The following ERC1 variants were observed in gnomAD, a reference collection of about 807,000 sequenced individuals.
The protein encoded by ERC1 is RAB6 interacting protein 2.
A neutral mutation model predicts 132.0 loss-of-function variants in ERC1; 56 were observed. That is an observed-to-expected ratio of 0.42 (90% CI 0.34 to 0.53). The LOEUF (loss-of-function observed/expected upper bound fraction) is 0.53. Among genes scored for constraint, ERC1 ranks in the 20% least tolerant of loss-of-function variants. The pLI is 0.03. For missense variants in ERC1, 1,202 were observed against 1,349.9 expected, an observed-to-expected ratio of 0.89 and a Z score of 1.72; for synonymous variants, 478 against 476.1, an observed-to-expected ratio of 1.00 and a Z score of -0.05.
At chr12:1,230,998 T>C (rs61911974) in intron 12 of ERC1, among the ~76,000 whole-genome samples, 29,836 of 152,130 alleles carry the variant, frequency 0.2, 3,443 homozygotes, top group Non-Finnish European at 0.27. Flanking sequence ...TGTTGGATAC[T>C]TAAAAAAGTC....
At chr12:1,153,256 T>C (rs1950999826) in intron 8 of ERC1, among the ~76,000 whole-genome samples, 1 of 152,232 alleles carries the variant, frequency 6.6e-6, no homozygotes, top group Non-Finnish European at 1.5e-5. Flanking sequence ...CAAATCAGAT[T>C]AATCCCAAGA....
intron 2 of ERC1, among the ~76,000 whole-genome samples, chr12:1,057,580 G>A (rs199529507): frequency 4.2e-5 from 6 of 143,250 alleles, no homozygotes; most frequent in African/African-American, 7.7e-5. Context: ...TGAAGGATGC[G>A]CATGGTTTTT....
intron 8 of ERC1, among the ~76,000 whole-genome samples, chr12:1,154,213 GTA>G (rs1951103924): frequency 6.3e-5 from 9 of 142,900 alleles, no homozygotes; most frequent in African/African-American, 1.3e-4. Flanking sequence ...GTGTGTGTGT[GTA>G]TGTATATGTA....
intron 14 of ERC1, among the ~76,000 whole-genome samples, chr12:1,279,672 T>TAAA (rs1189775825): frequency 1.0e-4 from 15 of 148,420 alleles, no homozygotes; most frequent in African/African-American, 3.2e-4. Context: ...TTTTTTTTTT[T>TAAA]AATTTTATTT....
intron 17 of ERC1, among the ~76,000 whole-genome samples, chr12:1,440,449 G>GC (rs1276120000): frequency 1.3e-5 from 2 of 148,374 alleles, no homozygotes; most frequent in Non-Finnish European, 1.5e-5. Flanking sequence ...CTCGTGATCT[G>GC]CCCTCCTTGG....
intron 18 of ERC1, among the ~76,000 whole-genome samples, chr12:1,457,065 A>G (rs1306389885): frequency 6.6e-6 from 1 of 152,182 alleles, no homozygotes; most frequent in East Asian, 1.9e-4. Flanking sequence ...ATGTTTAGAT[A>G]TGTTTGGATC....
chr12:1,174,918 C>T (rs914311438), intron 8 of ERC1, among the ~76,000 whole-genome samples: 4 of 152,118 alleles, frequency 2.6e-5, no homozygotes, highest in Admixed American at 1.3e-4. Flanking sequence ...AGGTATACCT[C>T]GGAGATATTG....
chr12:1,113,328 A>G (rs1946095145), intron 6 of ERC1, among the ~76,000 whole-genome samples: 1 of 152,226 alleles, frequency 6.6e-6, no homozygotes, highest in Non-Finnish European at 1.5e-5. Flanking sequence ...AGTTAGACAT[A>G]TTATCAACTC....
At chr12:1,259,434 A>G (rs1194948603) in intron 13 of ERC1, among the ~76,000 whole-genome samples, 1 of 150,350 alleles carries the variant, frequency 6.7e-6, no homozygotes, top group African/African-American at 2.5e-5. Flanking sequence ...GGCACGTAGT[A>G]TATTATGATT....
chr12:1,288,421 A>G (rs747182898), intron 14 of ERC1, among the ~76,000 whole-genome samples: 9 of 152,190 alleles, frequency 5.9e-5, no homozygotes, highest in South Asian at 4.1e-4. Flanking sequence ...GGCCGTAACA[A>G]TATATTCTTA....
chr12:1,419,333 C>G (rs2092328621), intron 17 of ERC1, among the ~76,000 whole-genome samples: 1 of 151,940 alleles, frequency 6.6e-6, no homozygotes. Flanking sequence ...TAGTATACTA[C>G]AAATGTACTT....
At chr12:1,199,313 A>G (rs1167173678) in intron 12 of ERC1, among the ~76,000 whole-genome samples, 1 of 152,278 alleles carries the variant, frequency 6.6e-6, no homozygotes, top group Non-Finnish European at 1.5e-5. Flanking sequence ...TTGGGTGGGG[A>G]CATAGAGCCA....
intron 15 of ERC1, among the ~76,000 whole-genome samples, chr12:1,338,012 T>C (rs1324178224): frequency 3.3e-5 from 5 of 152,224 alleles, no homozygotes; most frequent in Non-Finnish European, 7.3e-5. Flanking sequence ...TGATTATGTC[T>C]TGAGGATGTT....
At chr12:1,127,215 T>C (rs557972099) in intron 7 of ERC1, among the ~76,000 whole-genome samples, 30 of 152,318 alleles carry the variant, frequency 2.0e-4, no homozygotes, top group African/African-American at 6.7e-4. Flanking sequence ...TAACATTCAG[T>C]GCTTGTGAGG....
chr12:1,109,867 G>A (rs771824943), intron 4 of ERC1, among the ~76,000 whole-genome samples: 1 of 152,198 alleles, frequency 6.6e-6, no homozygotes, highest in African/African-American at 2.4e-5. Context: ...GGCCAACATG[G>A]CAAAACCCTG....
intron 17 of ERC1, among the ~76,000 whole-genome samples, chr12:1,430,007 C>T (rs867853375): frequency 6.6e-6 from 1 of 152,168 alleles, no homozygotes; most frequent in Non-Finnish European, 1.5e-5. Flanking sequence ...GCAGTTCTTA[C>T]TTGGGGTCTC....
At chr12:1,180,275 G>A (rs1375180896) in intron 8 of ERC1, among the ~76,000 whole-genome samples, 1 of 147,606 alleles carries the variant, frequency 6.8e-6, no homozygotes, top group East Asian at 2.0e-4. Context: ...GTGTGTGTGT[G>A]TGTGTGTGCG....
At chr12:1,021,483 C>A (rs1315754840) in intron 1 of ERC1, among the ~76,000 whole-genome samples, 3 of 150,970 alleles carry the variant, frequency 2.0e-5, no homozygotes, top group Non-Finnish European at 3.0e-5. Flanking sequence ...CCGAGGTGGG[C>A]GGTCAGGAGA....
chr12:1,030,090 AT>A (rs1295284900), intron 2 of ERC1, among the ~76,000 whole-genome samples: 2 of 151,624 alleles, frequency 1.3e-5, no homozygotes, highest in African/African-American at 2.4e-5. Flanking sequence ...CTCTTTTCAC[AT>A]TTTTTTCCCC....
Sources: gnomAD v4.1 joint callset for allele counts (sites outside exome capture counted in the v4.1 genomes callset) on GRCh38, gnomAD v4.1.1 for gene constraint, MANE v1.5 for transcripts, NCBI Gene and HGNC (gene_info 2026-07-23, HGNC 2026-07-21) for gene names.